Variants in KHDC4 observed in about 807,000 individuals in gnomAD.
KHDC4 encodes KH homology domain-containing protein 4.
Under a neutral mutation model 74.5 loss-of-function variants are expected in KHDC4, and 19 were observed. That is an observed-to-expected ratio of 0.26 (90% CI 0.18 to 0.37). The LOEUF is 0.37. KHDC4 is among the 10% of genes least tolerant of loss of function. The pLI is 1.00. For synonymous variants in KHDC4, 253 were observed against 266.1 expected (o/e 0.95, Z 0.48); for missense variants, 632 against 754.1 (o/e 0.84, Z 1.90).
chr1:155,927,820 A>ACC, intron 4 of KHDC4, among the ~76,000 whole-genome samples: 1 of 104,510 alleles, frequency 9.6e-6, no homozygotes, highest in Non-Finnish European at 1.9e-5. Flanking sequence ...AAAAAAAAAA[A>ACC]AAAAAAAAAA....
chr1:155,928,193 G>GAGA (rs1674062442), intron 4 of KHDC4, among the ~76,000 whole-genome samples: 1 of 152,028 alleles, frequency 6.6e-6, no homozygotes, highest in Non-Finnish European at 1.5e-5. Context: ...GTCCAACATC[G>GAGA]TGAAACCCCA....
intron 4 of KHDC4, among the ~76,000 whole-genome samples, chr1:155,927,828 AAAAC>A (rs1339520572): frequency 6.5e-4 from 38 of 58,120 alleles, no homozygotes; most frequent in Non-Finnish European, 1.1e-3. Context: ...AAAAAAAAAA[AAAAC>A]CACACACACA....
intron 8 of KHDC4, among the ~76,000 whole-genome samples, chr1:155,922,777 G>A (rs1032995891): frequency 6.6e-6 from 1 of 152,084 alleles, no homozygotes; most frequent in African/African-American, 2.4e-5. Flanking sequence ...TCCGGTACAA[G>A]GGTTGGTAAA....
At chr1:155,934,226 C>T in intron 1 of KHDC4, 110 bp downstream of exon 1, 1 of 1,192,280 alleles carries the variant, frequency 8.4e-7, no homozygotes. Context: ...ACGTCCAGCC[C>T]TTTACTTCCC....
chr1:155,915,797 G>A (rs1469762567), intron 13 of KHDC4, 76 bp downstream of exon 13: 4 of 958,574 alleles, frequency 4.2e-6, no homozygotes, highest in African/African-American at 1.7e-5. Flanking sequence ...GTGAGCCACT[G>A]CGCCCGGCTG....
At chr1:155,928,323 G>A (rs1308268807) in intron 4 of KHDC4, among the ~76,000 whole-genome samples, 3 of 151,776 alleles carry the variant, frequency 2.0e-5, no homozygotes, top group African/African-American at 4.8e-5. Context: ...GCAGTGAGCC[G>A]AGATGGCGCC....
chr1:155,921,352 T>C lies in KHDC4; in HGVS notation c.1266+23A>G, dbSNP rs112789044. 9 of 1,610,912 alleles carry C rather than the reference T, an allele frequency of 5.6e-6. No homozygotes were observed. In the African/African-American group the frequency reaches 1.2e-4, roughly 22 times the overall value. On this transcript the variant is annotated intron_variant, in intron 10 of 13. Coordinates refer to ENST00000368321, the MANE Select transcript of KHDC4 (RefSeq NM_014949.4). Reference sequence around the variant, plus strand: ...GTTTTTCCTAAATTCAGTAATATGTTGTTGCATATCCTGACATCCTACCTG... The same window carrying C: ...GTTTTTCCTAAATTCAGTAATATGTCGTTGCATATCCTGACATCCTACCTG...
chr1:155,929,086 A>G (rs565981138), intron 4 of KHDC4, among the ~76,000 whole-genome samples: 1 of 152,340 alleles, frequency 6.6e-6, no homozygotes, highest in Non-Finnish European at 1.5e-5. Context: ...TTCCTCCAAT[A>G]AAAACATTAA....
In KHDC4 at chr1:155,914,357, G is replaced by A. The variant is rs202168680; in HGVS notation, c.1646-37C>T. 5.3e-5 allele frequency: 75 copies of A among 1,424,028 alleles called. 1 individual carries two copies. In the East Asian group the frequency reaches 8.8e-4, roughly 17 times the overall value. 88.2% of individuals were successfully genotyped at this position (1,424,028 alleles called of 1,614,324 possible). A position where few individuals can be genotyped will look rare whatever the true frequency, so the allele number is the denominator to read the frequency against. On this transcript the variant is annotated intron_variant, in intron 13 of 13. Transcript: ENST00000368321. ...AAAAAACAACCCCAACCCCATCCCCGCCAAGGGAAAAAAAAAAATACCATA... is the reference window on the plus strand; with the variant it reads ...AAAAAACAACCCCAACCCCATCCCCACCAAGGGAAAAAAAAAAATACCATA...
chr1:155,932,078 A>G (rs538797367), intron 2 of KHDC4, among the ~76,000 whole-genome samples: 1 of 152,332 alleles, frequency 6.6e-6, no homozygotes, highest in East Asian at 1.9e-4. Flanking sequence ...TTTTGCTTAA[A>G]CAACAGGAAT....
At chr1:155,927,199 ACC>A in intron 4 of KHDC4, 43 bp from the exon 5 acceptor site, 1 of 1,532,420 alleles carries the variant, frequency 6.5e-7, no homozygotes, top group African/African-American at 1.4e-5. Flanking sequence ...TGTGGTCAAA[ACC>A]AAAAAAGGAG....
At position 155,929,448 on chromosome 1, in the gene KHDC4, A is replaced by G; in HGVS notation, c.385-73T>C. 3.3e-6 allele frequency: 4 copies of G among 1,219,558 alleles called. No homozygotes were observed. The South Asian group carries it at 3.7e-5, about 11-fold the overall frequency. 75.5% of individuals were successfully genotyped at this position (1,219,558 alleles called of 1,614,324 possible). On this transcript the variant is annotated intron_variant, in intron 3 of 13. Transcript: ENST00000368321. ...TCAATGGCAGACAGATTTTCTTCCC[A>G]TTCATTCATTCAACCAAGTAAAGAA... is the stretch of plus-strand genomic sequence containing the variant.
rs768198934 is a variant in KHDC4, at chr1:155,916,670, C to T, written c.1508G>A (p.Gly503Glu). 9 of 1,613,988 alleles carry T rather than the reference C, an allele frequency of 5.6e-6. No individual in the cohort carries two copies. The East Asian group carries it at 1.8e-4, about 32-fold the overall frequency. Residue 503 changes from glycine (G) to glutamate (E), a missense_variant, in exon 12 of 14, where the codon GGA becomes GAA. By Grantham distance (98) the Gly-to-Glu change is moderately conservative. Transcript: ENST00000368321. ...FSSQNEIEGA[G>E]SKPASSSGKE... ...GCCTGAGGAACTTGCTGGCTTCGAT[C>T]CTGCACCTTCAATCTCATTCTGACT...
At chr1:155,932,916 G>A (rs1322406225) in intron 2 of KHDC4, among the ~76,000 whole-genome samples, 1 of 152,124 alleles carries the variant, frequency 6.6e-6, no homozygotes, top group Non-Finnish European at 1.5e-5. Context: ...CTTCAGGCTG[G>A]TGACAGAGTG....
chr1:155,929,271 A>G (rs760461795), intron 4 of KHDC4, 25 bp downstream of exon 4: 1 of 1,554,302 alleles, frequency 6.4e-7, no homozygotes, highest in South Asian at 1.1e-5. Flanking sequence ...CAACCCTTCC[A>G]TAAACAAGAT....
rs1674094748 is a variant in KHDC4, at chr1:155,929,335, C to A, written c.425G>T (p.Arg142Met). The change falls in exon 4 of 14, where the codon AGG becomes ATG. Residue 142 changes from arginine (R) to methionine (M), a missense_variant. This residue lies in a region of KHDC4 where 233 missense variants were observed against 342.6 expected (regional missense o/e 0.68). Coordinates refer to ENST00000368321, the MANE Select transcript of KHDC4 (RefSeq NM_014949.4). Reference sequence around the variant, plus strand: ...GGCTTTTTCCTCAGTTGTCATGAACCTCCCTCGAGTTGATACTGCAGCCCC... The same window carrying A: ...GGCTTTTTCCTCAGTTGTCATGAACATCCCTCGAGTTGATACTGCAGCCCC... ...LSGAAVSTRG[R>M]FMTTEEKAKV... 7 of 1,613,928 alleles carry A rather than the reference C, an allele frequency of 4.3e-6. No homozygotes were observed. The highest frequency in any genetic ancestry group is 5.9e-6 in the Non-Finnish European group (7 of 1,179,966).
Position 155,917,639 on chromosome 1 carries a change from G to A in KHDC4, c.1300C>T (p.Pro434Ser), listed in dbSNP as rs755332259. Residue 434 changes from proline to serine, a missense_variant, in exon 11 of 14, where the codon CCT becomes TCT. Coordinates refer to ENST00000368321, the MANE Select transcript of KHDC4 (RefSeq NM_014949.4). ...CCAGCAGGCAAGGCAGTTTTGACAGGAGCAGCAGGAATAAAAGGACCACCC... is the reference window on the plus strand; with the variant it reads ...CCAGCAGGCAAGGCAGTTTTGACAGAAGCAGCAGGAATAAAAGGACCACCC... ...PMGGPFIPAA[P>S]VKTALPAGPQ... is the part of the protein sequence containing the mutation. 1.4e-5 allele frequency: 22 copies of A among 1,591,342 alleles called. No homozygotes were observed. Among genetic ancestry groups the A allele is most frequent in the African/African-American group, 1.4e-4 (10 of 74,058 alleles).
intron 7 of KHDC4, 48 bp from the exon 8 acceptor site, chr1:155,923,735 G>A (rs1673919406): frequency 1.4e-6 from 2 of 1,394,744 alleles, no homozygotes; most frequent in Non-Finnish European, 2.0e-6. Context: ...ATAAATAAAA[G>A]ATGCAGAATT....
intron 7 of KHDC4, among the ~76,000 whole-genome samples, chr1:155,923,950 A>T (rs990713290): frequency 2.0e-5 from 3 of 152,220 alleles, no homozygotes; most frequent in Admixed American, 6.5e-5. Flanking sequence ...TCATAAAATT[A>T]CTATAAAACG....
Sources: gnomAD v4.1 joint callset for allele counts (sites outside exome capture counted in the v4.1 genomes callset) on GRCh38, gnomAD v4.1.1 for gene constraint, gnomAD v4.1.1 regional missense constraint, MANE v1.5 for transcripts, NCBI Gene and HGNC (gene_info 2026-07-23, HGNC 2026-07-21) for gene names.